The following MPRIP variants were observed in gnomAD, a reference collection of about 807,000 sequenced individuals.
MPRIP encodes the protein myosin phosphatase Rho interacting protein.
Under a neutral mutation model 234.9 loss-of-function variants are expected in MPRIP, and 59 were observed. The observed-to-expected ratio is 0.25, with a 90% CI of 0.20 to 0.31. The LOEUF (loss-of-function observed/expected upper bound fraction) is 0.31, where lower values mean the gene tolerates loss of function less well. Ranked by LOEUF, MPRIP falls within the 10% of genes least tolerant of loss-of-function variation. The pLI, the probability that MPRIP is intolerant of heterozygous loss-of-function variation, is 1.00. For synonymous variants in MPRIP, 1,144 were observed against 1,263.9 expected (o/e 0.91, Z 2.01); for missense variants, 2,436 against 3,071.0 (o/e 0.79, Z 4.89).
chr17:17,174,143 G>A (rs2046204902), intron 19 of MPRIP, 68 bp downstream of exon 19: 1 of 1,559,772 alleles, frequency 6.4e-7, no homozygotes, highest in Non-Finnish European at 8.7e-7. Context: ...CCCATAGTCA[G>A]GTGAGTCCAC....
chr17:17,055,317 G>A (rs2088659943), intron 1 of MPRIP, among the ~76,000 whole-genome samples: 1 of 152,174 alleles, frequency 6.6e-6, no homozygotes. Flanking sequence ...GCAGTTGTCT[G>A]GGAAGGAAAA....
At position 17,056,190 on chromosome 17, in the gene MPRIP, T is replaced by C. The variant is rs191148011; in HGVS notation, c.123+13219T>C. Among the ~76,000 whole-genome samples, 206 of 152,316 alleles carry C rather than the reference T, an allele frequency of 1.4e-3. 1 individual carries two copies. The highest frequency in any genetic ancestry group is 4.5e-3 in the African/African-American group (188 of 41,578). On this transcript the variant is annotated intron_variant, in intron 1 of 23. Transcript: ENST00000651222. Reference sequence around the variant, plus strand: ...CTCATTTAGCTTTCCTGCCCTTTTTTTGCTCCTCCTTCCACCGTGCTTCTG... The same window carrying C: ...CTCATTTAGCTTTCCTGCCCTTTTTCTGCTCCTCCTTCCACCGTGCTTCTG...
At chr17:17,094,984 G>C (rs1034026740) in intron 3 of MPRIP, among the ~76,000 whole-genome samples, 1 of 151,978 alleles carries the variant, frequency 6.6e-6, no homozygotes, top group Non-Finnish European at 1.5e-5. Flanking sequence ...TACTCCTTCT[G>C]ACTCGATTCT....
At chr17:17,073,520 C>T (rs1383601760) in intron 1 of MPRIP, among the ~76,000 whole-genome samples, 1 of 152,192 alleles carries the variant, frequency 6.6e-6, no homozygotes, top group East Asian at 1.9e-4. Context: ...CTCCAGAGGC[C>T]AGGGTGGTGG....
At position 17,066,723 on chromosome 17, in the gene MPRIP, C is replaced by CTTTTTTTTTTTTTTTTT. The variant is rs34804730; in HGVS notation, c.124-8957_124-8941dup. ...TCAAACCCACAGATACTTTTTTCAT[C>CTTTTTTTTTTTTTTTTT]TTTTTTTTTTTTTTTTTTTTTTTTT... is the stretch of plus-strand genomic sequence containing the variant. On this transcript the variant is annotated intron_variant, in intron 1 of 23. Transcript: ENST00000651222. Among the ~76,000 whole-genome samples, 15 of 36,688 alleles carry CTTTTTTTTTTTTTTTTT rather than the reference C, an allele frequency of 4.1e-4. 5 individuals carry two copies. The highest frequency in any genetic ancestry group is 5.4e-4 in the Non-Finnish European group (9 of 16,614). The allele number at this position is 36,688 out of a possible 152,430, so 24.1% of individuals were successfully genotyped here.
chr17:17,106,507 A>G (rs1341953653), intron 3 of MPRIP, among the ~76,000 whole-genome samples: 1 of 152,112 alleles, frequency 6.6e-6, no homozygotes, highest in Non-Finnish European at 1.5e-5. Flanking sequence ...TGGTGCTTTG[A>G]GACCTGGACA....
intron 1 of MPRIP, among the ~76,000 whole-genome samples, chr17:17,059,638 T>G (rs940474138): frequency 6.6e-6 from 1 of 152,346 alleles, no homozygotes; most frequent in Non-Finnish European, 1.5e-5. Flanking sequence ...CCTGGCATGG[T>G]GCTGAGTTCC....
Position 17,147,232 on chromosome 17 carries a change from C to G in MPRIP, c.1561-87C>G, listed in dbSNP as rs996280117. 5 of 1,318,836 alleles carry G rather than the reference C, an allele frequency of 3.8e-6. No homozygotes were observed. In the African/African-American group the frequency reaches 5.8e-5, roughly 15 times the overall value. 81.7% of individuals were successfully genotyped at this position (1,318,836 alleles called of 1,614,324 possible). ...TTCCCTGTGCTCTGGGAGGGCCCCACAGGCTCTGGCTGCGCACCGCCGTGG... is the reference window on the plus strand; with the variant it reads ...TTCCCTGTGCTCTGGGAGGGCCCCAGAGGCTCTGGCTGCGCACCGCCGTGG... On this transcript the variant is annotated intron_variant, in intron 10 of 23. Coordinates refer to ENST00000651222, the MANE Select transcript of MPRIP (RefSeq NM_001364716.4).
chr17:17,060,852 A>G (rs1374520122), intron 1 of MPRIP, among the ~76,000 whole-genome samples: 1 of 152,220 alleles, frequency 6.6e-6, no homozygotes, highest in Non-Finnish European at 1.5e-5. Context: ...GTTTGGGTCC[A>G]CAACTGTGTG....
intron 3 of MPRIP, among the ~76,000 whole-genome samples, chr17:17,103,811 T>A (rs1372174473): frequency 3.9e-5 from 6 of 152,248 alleles, no homozygotes; most frequent in Non-Finnish European, 5.9e-5. Flanking sequence ...ATGATGGCCC[T>A]TCGCACATGA....
In MPRIP at chr17:17,042,905, G is replaced by C. The variant is rs764349847; in HGVS notation, c.57G>C (p.Lys19Asn). Residue 19 changes from lysine to asparagine, a missense_variant, in exon 1 of 24, where the codon AAG becomes AAC. Around this residue, in one of 4 missense-constraint regions of MPRIP, gnomAD observed 140 missense variants for 207.3 expected, o/e 0.68. Transcript: ENST00000651222. The part of the protein sequence containing the change: ...CRKFQANIFN[K>N]SKCQNCFKPR... ...AATTCCAGGCCAACATCTTCAACAA[G>C]AGCAAGTGTCAGAACTGCTTCAAGC... The C allele has an allele frequency of 1.9e-6, 3 of 1,610,398 alleles. No individual in the cohort carries two copies. The highest frequency in any genetic ancestry group is 2.2e-5 in the South Asian group (2 of 90,968).
At position 17,138,445 on chromosome 17, in the gene MPRIP, G is replaced by C. The variant is rs759484355; in HGVS notation, c.1250+16G>C. 7.7e-5 allele frequency: 17 copies of C among 220,264 alleles called. No homozygotes were observed. The highest frequency in any genetic ancestry group is 1.3e-4 in the Non-Finnish European group (15 of 112,244). 13.6% of individuals were successfully genotyped at this position (220,264 alleles called of 1,614,324 possible). On this transcript the variant is annotated intron_variant, in intron 7 of 23. Coordinates refer to ENST00000651222, the MANE Select transcript of MPRIP (RefSeq NM_001364716.4). This position sits in a 1 kb window ranked among gnomAD's most constrained non-coding sequence, Gnocchi z 5.8. ...ACGAGCGGAGGTAAGGAGCAGGTTA[G>C]AGGGTTGAACACCCAGGCCCACACA...
chr17:17,111,158 C>CA (rs542344107), intron 3 of MPRIP, among the ~76,000 whole-genome samples: 1,635 of 60,630 alleles, frequency 0.027, 27 homozygotes, highest in Non-Finnish European at 0.036. Context: ...AAAAAAAAAC[C>CA]AAAAAAAAAA....
In MPRIP at chr17:17,066,723, C is replaced by CTTTTTTTTTTTTTTTTTTTTTTTTT. The variant is rs34804730; in HGVS notation, c.124-8965_124-8941dup. 1.4e-4 allele frequency among the ~76,000 whole-genome samples: 5 copies of CTTTTTTTTTTTTTTTTTTTTTTTTT among 36,688 alleles called. 2 individuals are homozygous for CTTTTTTTTTTTTTTTTTTTTTTTTT. Among genetic ancestry groups the CTTTTTTTTTTTTTTTTTTTTTTTTT allele is most frequent in the Non-Finnish European group, 3.0e-4 (5 of 16,614 alleles). The allele number at this position is 36,688 out of a possible 152,430, so 24.1% of individuals were successfully genotyped here. A position where few individuals can be genotyped will look rare whatever the true frequency, so the allele number is the denominator to read the frequency against. On this transcript the variant is annotated intron_variant, in intron 1 of 23. Coordinates refer to ENST00000651222, the MANE Select transcript of MPRIP (RefSeq NM_001364716.4). Reference sequence around the variant, plus strand: ...TCAAACCCACAGATACTTTTTTCATCTTTTTTTTTTTTTTTTTTTTTTTTT... The same window carrying CTTTTTTTTTTTTTTTTTTTTTTTTT: ...TCAAACCCACAGATACTTTTTTCATCTTTTTTTTTTTTTTTTTTTTTTTTTTTTTTTTTTTTTTTTTTTTTTTTTT...
intron 12 of MPRIP, among the ~76,000 whole-genome samples, chr17:17,153,124 T>C (rs898666335): frequency 1.3e-5 from 2 of 152,138 alleles, no homozygotes; most frequent in East Asian, 1.9e-4. Flanking sequence ...TCAGCTCACA[T>C]GGATATGAGA....
At chr17:17,171,532 G>A in intron 16 of MPRIP, 186 bp from the exon 17 acceptor site, 1 of 652,666 alleles carries the variant, frequency 1.5e-6, no homozygotes, top group Non-Finnish European at 2.7e-6. Flanking sequence ...TGCTCTGATG[G>A]CATTGCTGAG....
intron 1 of MPRIP, among the ~76,000 whole-genome samples, chr17:17,067,790 C>CTTTTTTTTTTTTTTTTTTTT (rs35187618): frequency 2.6e-5 from 2 of 76,762 alleles, no homozygotes; most frequent in Non-Finnish European, 5.0e-5. Flanking sequence ...CTTCTTCTTC[C>CTTTTTTTTTTTTTTTTTTTT]TTTTTTTTTT....
At chr17:17,139,601 GCTCCCGTGCCT>G (rs1481020005) in intron 7 of MPRIP, among the ~76,000 whole-genome samples, 1 of 152,170 alleles carries the variant, frequency 6.6e-6, no homozygotes, top group African/African-American at 2.4e-5. Context: ...GCAGCCATGG[GCTCCCGTGCCT>G]CGAAGGGCAG....
intron 3 of MPRIP, among the ~76,000 whole-genome samples, chr17:17,079,018 A>G (rs938423881): frequency 2.0e-5 from 3 of 152,182 alleles, no homozygotes; most frequent in Admixed American, 6.5e-5. Flanking sequence ...AGACTCTGGA[A>G]GTATGAGTGG....
Sources: allele counts gnomAD v4.1 joint callset (sites outside exome capture counted in the v4.1 genomes callset), GRCh38; gene constraint gnomAD v4.1.1; regional missense constraint gnomAD v4.1.1; non-coding constraint Gnocchi (gnomAD v3.1); transcripts MANE v1.5; gene names NCBI Gene and HGNC (gene_info 2026-07-23, HGNC 2026-07-21).